The following CYP19A1 variants were observed in gnomAD, a reference collection of about 807,000 sequenced individuals.
CYP19A1 encodes the protein aromatase.
In CYP19A1, 32 loss-of-function variants were observed where a neutral mutation model predicts 44.4. The ratio of observed to expected loss-of-function variants is 0.72; its 90% CI spans 0.54 to 0.97. The LOEUF is 0.97. Ranked by LOEUF, CYP19A1 falls within the 50% of genes least tolerant of loss-of-function variation. The probability of loss-of-function intolerance (pLI) is 0.00; values close to 1 mark genes in which losing one functional copy is unlikely to be tolerated. For synonymous variants in CYP19A1, 212 were observed against 215.6 expected, an observed-to-expected ratio of 0.98 and a Z score of 0.14; for missense variants, 598 against 637.8, an observed-to-expected ratio of 0.94 and a Z score of 0.67.
intron 1 of CYP19A1, among the ~76,000 whole-genome samples, chr15:51,260,657 C>T (rs2034679125): frequency 6.6e-6 from 1 of 152,204 alleles, no homozygotes. Context: ...AAGGTGACCG[C>T]ACCTACCTTT....
intron 6 of CYP19A1, chr15:51,216,056 CT>C (rs1341455103): frequency 4.3e-6 from 3 of 695,008 alleles, no homozygotes; most frequent in Non-Finnish European, 6.6e-6. Context: ...GAAATCAAGC[CT>C]GTGACTTCTA....
chr15:51,210,943 G>A lies in CYP19A1; in HGVS notation c.1377C>T (p.His459=), dbSNP rs781417714. 5 of 1,608,804 alleles carry A rather than the reference G, an allele frequency of 3.1e-6. No homozygotes were observed. Among genetic ancestry groups the A allele is most frequent in the South Asian group, 1.1e-5 (1 of 90,982 alleles). ...CACACTGTCCTTGCAATGTCTTCAC[G>A]TGGAATCGTCTCAGAAGTGTAACGA... ...AILVTLLRRF[H]VKTLQGQCVE... Residue 459 remains histidine, a synonymous_variant, in exon 10 of 10, where the codon CAC becomes CAT. Coordinates refer to ENST00000396402, the MANE Select transcript of CYP19A1 (RefSeq NM_000103.4).
intron 1 of CYP19A1, among the ~76,000 whole-genome samples, chr15:51,302,424 G>A (rs1011670764): frequency 2.6e-5 from 4 of 152,186 alleles, no homozygotes; most frequent in African/African-American, 9.7e-5. Context: ...TGGTTTAACT[G>A]CCCTCAGAGG....
intron 1 of CYP19A1, among the ~76,000 whole-genome samples, chr15:51,316,486 G>A (rs529864590): frequency 6.6e-6 from 1 of 152,276 alleles, no homozygotes; most frequent in South Asian, 2.1e-4. Flanking sequence ...AAACTTCTTA[G>A]TGAGTTTTTA....
intron 3 of CYP19A1, among the ~76,000 whole-genome samples, chr15:51,236,626 A>G (rs1411365599): frequency 6.6e-6 from 1 of 152,236 alleles, no homozygotes; most frequent in East Asian, 1.9e-4. Context: ...AGAGATTGTA[A>G]ATAATTTCCC....
intron 1 of CYP19A1, among the ~76,000 whole-genome samples, chr15:51,296,097 A>C (rs2035990022): frequency 6.6e-6 from 1 of 151,876 alleles, no homozygotes; most frequent in Non-Finnish European, 1.5e-5. Context: ...GCCTGGGAAA[A>C]AGATTGCATC....
intron 1 of CYP19A1, among the ~76,000 whole-genome samples, chr15:51,262,852 G>A (rs12910259): frequency 0.39 from 58,719 of 151,916 alleles, 11,899 homozygotes; most frequent in East Asian, 0.5. Flanking sequence ...CTGACTCAAC[G>A]GATTATGGAA....
At chr15:51,327,297 C>A (rs2036622510) in intron 1 of CYP19A1, among the ~76,000 whole-genome samples, 1 of 152,148 alleles carries the variant, frequency 6.6e-6, no homozygotes, top group African/African-American at 2.4e-5. Context: ...GCTAATTAAA[C>A]TCCTGAGTAA....
intron 1 of CYP19A1, among the ~76,000 whole-genome samples, chr15:51,249,185 C>T (rs1053768575): frequency 6.6e-6 from 1 of 152,176 alleles, no homozygotes; most frequent in African/African-American, 2.4e-5. Context: ...AGGTGATTCA[C>T]CTGCCATGGC....
chr15:51,223,053 C>T (rs990097930), intron 4 of CYP19A1, among the ~76,000 whole-genome samples: 10 of 152,120 alleles, frequency 6.6e-5, no homozygotes, highest in Non-Finnish European at 1.2e-4. Flanking sequence ...CCCAAAGTGC[C>T]CTTCTCTTAA....
chr15:51,299,096 G>C (rs1300491806), intron 1 of CYP19A1, among the ~76,000 whole-genome samples: 1 of 152,224 alleles, frequency 6.6e-6, no homozygotes, highest in Admixed American at 6.5e-5. Flanking sequence ...CCAAGAGAGA[G>C]GACCCTTCCT....
chr15:51,222,561 A>AT (rs754530937), intron 4 of CYP19A1, 36 bp from the exon 5 acceptor site: 121 of 1,560,434 alleles, frequency 7.8e-5, no homozygotes, highest in Non-Finnish European at 1.0e-4. Context: ...GCCATCACGA[A>AT]CTCCAGGGCA....
At chr15:51,295,240 A>T (rs2035968642) in intron 1 of CYP19A1, among the ~76,000 whole-genome samples, 1 of 151,842 alleles carries the variant, frequency 6.6e-6, no homozygotes, top group Non-Finnish European at 1.5e-5. Flanking sequence ...GAAGGATCAT[A>T]CATTATTCTT....
rs976043917 is a variant in CYP19A1, at chr15:51,210,808, C to T, written c.1512G>A (p.Ter504=). ...PRNSDRCLEH[*] ...CAGAGTGGGTACTGACCAGCCTTCT[C>T]TAGTGTTCCAGACACCTGTCTGAGT... Residue 504 remains the stop codon, a stop_retained_variant, in exon 10 of 10, where the codon TAG becomes TAA. Transcript: ENST00000396402. The T allele has an allele frequency of 1.3e-6, 2 of 1,577,366 alleles. No homozygotes were observed. Among genetic ancestry groups the T allele is most frequent in the South Asian group, 1.1e-5 (1 of 90,406 alleles).
At chr15:51,251,267 C>G (rs780996651) in intron 1 of CYP19A1, among the ~76,000 whole-genome samples, 1 of 152,160 alleles carries the variant, frequency 6.6e-6, no homozygotes, top group Non-Finnish European at 1.5e-5. Context: ...AGTGGATACA[C>G]AATCCTTAGG....
At chr15:51,288,553 C>T (rs1342216868) in intron 1 of CYP19A1, among the ~76,000 whole-genome samples, 2 of 152,176 alleles carry the variant, frequency 1.3e-5, no homozygotes, top group African/African-American at 4.8e-5. Flanking sequence ...ATCCTCTCAC[C>T]CTTTGGCATG....
chr15:51,325,232 C>A (rs754735571), intron 1 of CYP19A1, among the ~76,000 whole-genome samples: 3 of 152,118 alleles, frequency 2.0e-5, no homozygotes, highest in Non-Finnish European at 4.4e-5. Flanking sequence ...CAAGTTGCTA[C>A]AGGGTGAAGC....
At chr15:51,315,016 C>T (rs1216649892) in intron 1 of CYP19A1, among the ~76,000 whole-genome samples, 12 of 152,004 alleles carry the variant, frequency 7.9e-5, no homozygotes, top group East Asian at 7.7e-4. Flanking sequence ...TCTCTGAATC[C>T]GATCCTGCTT....
chr15:51,251,900 G>A (rs1344957740), intron 1 of CYP19A1, among the ~76,000 whole-genome samples: 1 of 152,164 alleles, frequency 6.6e-6, no homozygotes, highest in African/African-American at 2.4e-5. Context: ...AGCCTCTCTG[G>A]ACGTCCATTT....
Sources: gnomAD v4.1 joint callset for allele counts (sites outside exome capture counted in the v4.1 genomes callset) on GRCh38, gnomAD v4.1.1 for gene constraint, MANE v1.5 for transcripts, NCBI Gene and HGNC (gene_info 2026-07-23, HGNC 2026-07-21) for gene names.